Variants in HFM1 observed in about 807,000 individuals in gnomAD.
HFM1 encodes probable ATP-dependent DNA helicase HFM1.
In HFM1, 169 loss-of-function variants were observed where a neutral mutation model predicts 192.1. The ratio of observed to expected loss-of-function variants is 0.88; its 90% CI spans 0.78 to 1.00. HFM1 has a LOEUF of 1.00. HFM1 is among the 50% of genes least tolerant of loss of function. The probability of loss-of-function intolerance (pLI) is 0.00; values close to 1 mark genes in which losing one functional copy is unlikely to be tolerated. For synonymous variants in HFM1, 525 were observed against 537.8 expected (o/e 0.98, Z 0.33); for missense variants, 1,661 against 1,668.0 (o/e 1.00, Z 0.07).
chr1:91,298,908 A>G (rs1648170507), intron 30 of HFM1, among the ~76,000 whole-genome samples: 1 of 152,208 alleles, frequency 6.6e-6, no homozygotes, highest in Non-Finnish European at 1.5e-5. Context: ...AGCTAACATC[A>G]TAATGACAGG....
chr1:91,318,112 A>G (rs1193810514), intron 25 of HFM1, among the ~76,000 whole-genome samples: 2 of 152,158 alleles, frequency 1.3e-5, no homozygotes, highest in African/African-American at 4.8e-5. Flanking sequence ...TCCAATTGAG[A>G]ACTCTTGCCT....
At chr1:91,375,198 T>C (rs1660759997) in intron 13 of HFM1, among the ~76,000 whole-genome samples, 160 bp downstream of exon 13, 1 of 152,090 alleles carries the variant, frequency 6.6e-6, no homozygotes, top group African/African-American at 2.4e-5. Flanking sequence ...TGTACGAAGA[T>C]TCACTATCTC....
At chr1:91,374,953 G>A (rs996322417) in intron 13 of HFM1, among the ~76,000 whole-genome samples, 3 of 152,134 alleles carry the variant, frequency 2.0e-5, no homozygotes, top group African/African-American at 4.8e-5. Context: ...AAAGGGGACT[G>A]AGAACGAACA....
intron 13 of HFM1, among the ~76,000 whole-genome samples, chr1:91,372,454 G>A (rs1660355881): frequency 3.9e-5 from 6 of 152,154 alleles, no homozygotes; most frequent in African/African-American, 1.4e-4. Flanking sequence ...GGATGAACCT[G>A]GAAACTATCA....
chr1:91,376,151 G>C (rs1660884958), intron 11 of HFM1, among the ~76,000 whole-genome samples: 1 of 151,878 alleles, frequency 6.6e-6, no homozygotes, highest in South Asian at 2.1e-4. Context: ...TTAATAGTTG[G>C]TTTAGGTTGG....
At chr1:91,393,273 C>T (rs1174816361) in intron 4 of HFM1, among the ~76,000 whole-genome samples, 4 of 152,076 alleles carry the variant, frequency 2.6e-5, no homozygotes, top group African/African-American at 9.7e-5. Context: ...AATACTCTCA[C>T]TTTCTCTCTC....
At chr1:91,274,291 ATGT>A (rs1013656706) in intron 33 of HFM1, among the ~76,000 whole-genome samples, 3 of 151,976 alleles carry the variant, frequency 2.0e-5, no homozygotes, top group Admixed American at 6.6e-5. Context: ...TTTATGGGCC[ATGT>A]TGTTGTTTAA....
At chr1:91,382,024 G>C (rs1661605808) in intron 6 of HFM1, among the ~76,000 whole-genome samples, 1 of 151,878 alleles carries the variant, frequency 6.6e-6, no homozygotes, top group African/African-American at 2.4e-5. Context: ...TTATCTCTCT[G>C]ACATCATGTC....
At chr1:91,321,606 T>C (rs763232674) in intron 23 of HFM1, among the ~76,000 whole-genome samples, 1 of 152,108 alleles carries the variant, frequency 6.6e-6, no homozygotes, top group African/African-American at 2.4e-5. Flanking sequence ...AAGGTAACTA[T>C]TAGCCATCAT....
chr1:91,261,421 C>T (rs1665144425), intron 38 of HFM1, 62 bp from the exon 39 acceptor site: 5 of 711,284 alleles, frequency 7.0e-6, no homozygotes, highest in Non-Finnish European at 8.4e-6. Context: ...TTAAAATACA[C>T]AATAAATAAT....
intron 34 of HFM1, 48 bp from the exon 35 acceptor site, chr1:91,267,903 C>T (rs1665919182): frequency 6.0e-6 from 6 of 994,154 alleles, no homozygotes; most frequent in Non-Finnish European, 9.2e-6. Context: ...ATGTTGGTTT[C>T]CAGATATATT....
At chr1:91,305,255 T>A (rs1649428847) in intron 30 of HFM1, among the ~76,000 whole-genome samples, 1 of 152,248 alleles carries the variant, frequency 6.6e-6, no homozygotes, top group Non-Finnish European at 1.5e-5. Flanking sequence ...TGAATTAATA[T>A]GAGAAGTGCT....
chr1:91,357,704 C>A (rs1322889833), intron 13 of HFM1, among the ~76,000 whole-genome samples: 5 of 152,098 alleles, frequency 3.3e-5, no homozygotes, highest in Non-Finnish European at 5.9e-5. Flanking sequence ...TGTAAAAAAA[C>A]CTCAAAGATT....
chr1:91,285,366 T>C (rs9724763), intron 30 of HFM1, among the ~76,000 whole-genome samples: 14,637 of 152,234 alleles, frequency 0.096, 741 homozygotes, highest in East Asian at 0.16. Flanking sequence ...TGAAAGCATA[T>C]TTGGAAATAG....
At chr1:91,269,542 T>C (rs1481428823) in intron 34 of HFM1, among the ~76,000 whole-genome samples, 2 of 152,146 alleles carry the variant, frequency 1.3e-5, no homozygotes, top group African/African-American at 2.4e-5. Context: ...TACCTATAAC[T>C]ACAGTTCACA....
chr1:91,334,894 A>C (rs1188454819), intron 20 of HFM1, among the ~76,000 whole-genome samples: 8 of 151,022 alleles, frequency 5.3e-5, no homozygotes, highest in African/African-American at 2.0e-4. Flanking sequence ...GTGCCACTGT[A>C]CTCTAGCCTG....
intron 18 of HFM1, among the ~76,000 whole-genome samples, chr1:91,349,879 C>T (rs1047734721): frequency 2.6e-5 from 4 of 151,872 alleles, no homozygotes; most frequent in African/African-American, 4.8e-5. Context: ...TTAAAAGGTG[C>T]GAAACTAAAA....
intron 23 of HFM1, among the ~76,000 whole-genome samples, chr1:91,320,273 T>A (rs1294802949): frequency 6.6e-6 from 1 of 152,188 alleles, no homozygotes; most frequent in African/African-American, 2.4e-5. Flanking sequence ...ACAAGATACA[T>A]GAAAATTGAA....
chr1:91,353,967 A>G (rs906720373), intron 13 of HFM1, among the ~76,000 whole-genome samples: 3 of 151,444 alleles, frequency 2.0e-5, no homozygotes, highest in Non-Finnish European at 4.4e-5. Flanking sequence ...ATACACCACC[A>G]ACAAAGGAAC....
Sources: allele counts gnomAD v4.1 joint callset (sites outside exome capture counted in the v4.1 genomes callset), GRCh38; gene constraint gnomAD v4.1.1; transcripts MANE v1.5; gene names NCBI Gene and HGNC (gene_info 2026-07-23, HGNC 2026-07-21).